The following PTPRG variants were observed in gnomAD, a reference collection of about 807,000 sequenced individuals.
The protein encoded by PTPRG is receptor-type tyrosine-protein phosphatase gamma.
Under a neutral mutation model 165.3 loss-of-function variants are expected in PTPRG, and 102 were observed. The ratio of observed to expected loss-of-function variants is 0.62; its 90% confidence interval spans 0.53 to 0.73. The LOEUF is 0.73. Among genes scored for constraint, PTPRG ranks in the 30% least tolerant of loss-of-function variants. PTPRG has a pLI of 0.00. For missense variants in PTPRG, 1,866 were observed against 1,861.4 expected, an observed-to-expected ratio of 1.00 and a Z score of -0.05; for synonymous variants, 675 against 669.5, an observed-to-expected ratio of 1.01 and a Z score of -0.13.
chr3:61,600,174 AT>A (rs1363840347), intron 1 of PTPRG, among the ~76,000 whole-genome samples: 11,223 of 91,440 alleles, frequency 0.12, 595 homozygotes, highest in African/African-American at 0.18. Context: ...AAAAAAAAAA[AT>A]ATATATATAT....
intron 2 of PTPRG, among the ~76,000 whole-genome samples, chr3:61,771,861 A>AC (rs2034215393): frequency 6.6e-6 from 1 of 151,834 alleles, no homozygotes; most frequent in South Asian, 2.1e-4. Flanking sequence ...GGATTTCGAG[A>AC]CCAGCCTGGC....
chr3:62,248,136 A>G (rs371723443), intron 15 of PTPRG, among the ~76,000 whole-genome samples: 2 of 152,142 alleles, frequency 1.3e-5, no homozygotes, highest in African/African-American at 4.8e-5. Flanking sequence ...AAAACTCAAA[A>G]TGCAAGAGTA....
At chr3:62,277,251 G>C (rs927367115) in intron 25 of PTPRG, among the ~76,000 whole-genome samples, 5 of 152,080 alleles carry the variant, frequency 3.3e-5, no homozygotes, top group African/African-American at 1.2e-4. Flanking sequence ...TAAGCAGAAT[G>C]CTTCTTAAGG....
chr3:61,984,867 C>A (rs1363813506), intron 2 of PTPRG, among the ~76,000 whole-genome samples: 1 of 152,150 alleles, frequency 6.6e-6, no homozygotes, highest in African/African-American at 2.4e-5. Flanking sequence ...GAGTGTTTGT[C>A]AATTATATAG....
chr3:62,103,449 C>A (rs1359523385), intron 5 of PTPRG, among the ~76,000 whole-genome samples: 1 of 152,190 alleles, frequency 6.6e-6, no homozygotes, highest in Non-Finnish European at 1.5e-5. Flanking sequence ...ATCTCCAGCG[C>A]CTGGGATTCC....
At chr3:61,795,067 A>G (rs1346417789) in intron 2 of PTPRG, among the ~76,000 whole-genome samples, 1 of 152,178 alleles carries the variant, frequency 6.6e-6, no homozygotes, top group Non-Finnish European at 1.5e-5. Context: ...CACAGTGTCA[A>G]GTGTCTCATT....
At chr3:62,272,820 G>A in intron 21 of PTPRG, 126 bp from the exon 22 acceptor site, 6 of 1,114,180 alleles carry the variant, frequency 5.4e-6, no homozygotes, top group Non-Finnish European at 7.3e-6. Flanking sequence ...CTGGGCAACA[G>A]AGTGAAACTC....
chr3:62,284,379 A>AG (rs1702560469), intron 28 of PTPRG, among the ~76,000 whole-genome samples: 1 of 152,082 alleles, frequency 6.6e-6, no homozygotes, highest in African/African-American at 2.4e-5. Context: ...AGATGTATAC[A>AG]GGCCTCATTC....
At chr3:62,117,587 C>T (rs533621363) in intron 5 of PTPRG, among the ~76,000 whole-genome samples, 1 of 152,268 alleles carries the variant, frequency 6.6e-6, no homozygotes, top group South Asian at 2.1e-4. Flanking sequence ...TAACAACTAT[C>T]AATCTATCAG....
In PTPRG at chr3:62,213,797, G is replaced by C. The variant is rs1007555; in HGVS notation, c.2156-5054G>C. 6.6e-6 allele frequency among the ~76,000 whole-genome samples: 1 copy of C among 151,914 alleles called. No homozygotes were observed. The highest frequency in any genetic ancestry group is 1.5e-5 in the Non-Finnish European group (1 of 67,994). Reference sequence around the variant, plus strand: ...TATAATGATATGGGTGTATACTCAGGGCCACATTTTGTGTGTTGTAGTAGT... The same window carrying C: ...TATAATGATATGGGTGTATACTCAGCGCCACATTTTGTGTGTTGTAGTAGT... On this transcript the variant is annotated intron_variant, in intron 12 of 29. Coordinates refer to ENST00000474889, the MANE Select transcript of PTPRG (RefSeq NM_002841.4). The surrounding 1 kb of genome is among the most constrained non-coding windows in gnomAD (Gnocchi z 4.4).
At chr3:61,884,539 G>GT (rs1328805554) in intron 2 of PTPRG, among the ~76,000 whole-genome samples, 27 of 152,286 alleles carry the variant, frequency 1.8e-4, no homozygotes, top group African/African-American at 6.3e-4. Flanking sequence ...TGCATTTAAG[G>GT]TGAATCAAGA....
chr3:62,157,597 G>A (rs1245452575), intron 7 of PTPRG, among the ~76,000 whole-genome samples: 1 of 152,158 alleles, frequency 6.6e-6, no homozygotes, highest in Admixed American at 6.5e-5. Context: ...ACTCTTGTGA[G>A]GTAGATGCTA....
At chr3:61,624,594 C>A (rs1412998287) in intron 1 of PTPRG, among the ~76,000 whole-genome samples, 2 of 152,164 alleles carry the variant, frequency 1.3e-5, no homozygotes, top group African/African-American at 4.8e-5. Context: ...CTGCAGACTT[C>A]TTGTTATATG....
chr3:61,752,562 G>T (rs2033473322), intron 2 of PTPRG, among the ~76,000 whole-genome samples: 2 of 151,980 alleles, frequency 1.3e-5, no homozygotes, highest in Non-Finnish European at 2.9e-5. Flanking sequence ...GGAGGCCGAG[G>T]CGGGCAGATC....
chr3:62,095,741 G>A (rs192182286), intron 5 of PTPRG, among the ~76,000 whole-genome samples: 84 of 152,270 alleles, frequency 5.5e-4, no homozygotes, highest in African/African-American at 1.9e-3. Flanking sequence ...TGTGATGAGG[G>A]TCAGGTCCAG....
intron 1 of PTPRG, among the ~76,000 whole-genome samples, chr3:61,626,066 G>T (rs1465749809): frequency 4.0e-5 from 6 of 150,604 alleles, no homozygotes; most frequent in African/African-American, 1.5e-4. Flanking sequence ...TTATGTGTTT[G>T]TAGGGGCTTG....
intron 1 of PTPRG, among the ~76,000 whole-genome samples, chr3:61,606,832 AG>A (rs945757096): frequency 1.9e-4 from 29 of 152,138 alleles, no homozygotes; most frequent in African/African-American, 7.0e-4. Context: ...TCACCTCTTA[AG>A]GGCCCTAACT....
In PTPRG at chr3:61,869,580, T is replaced by TC. The variant is rs2037505676; in HGVS notation, c.191-120042dup. On this transcript the variant is annotated intron_variant, in intron 2 of 29. Coordinates refer to ENST00000474889, the MANE Select transcript of PTPRG (RefSeq NM_002841.4). ...AACCCTCCCCTCCCCTCCCCTCCCC[T>TC]CCCTTCACCTCTTTGTCTGACAGAG... Among the ~76,000 whole-genome samples, 199 of 134,356 alleles carry TC rather than the reference T, an allele frequency of 1.5e-3. 3 individuals carry two copies. Among genetic ancestry groups the TC allele is most frequent in the African/African-American group, 4.9e-3 (174 of 35,714 alleles). 88.1% of individuals were successfully genotyped at this position (134,356 alleles called of 152,430 possible).
At chr3:61,574,067 A>G (rs999483909) in intron 1 of PTPRG, among the ~76,000 whole-genome samples, 6 of 152,050 alleles carry the variant, frequency 3.9e-5, no homozygotes, top group Non-Finnish European at 7.4e-5. Context: ...AATTTAAGCT[A>G]AATTCTGTGA....
Sources: allele counts gnomAD v4.1 joint callset (sites outside exome capture counted in the v4.1 genomes callset), GRCh38; gene constraint gnomAD v4.1.1; non-coding constraint Gnocchi (gnomAD v3.1); transcripts MANE v1.5; gene names NCBI Gene and HGNC (gene_info 2026-07-23, HGNC 2026-07-21).